PTPRT: variants seen among roughly 807,000 people sequenced by gnomAD.
PTPRT encodes the protein receptor-type tyrosine-protein phosphatase T.
A neutral mutation model predicts 176.8 loss-of-function variants in PTPRT; 56 were observed. The ratio of observed to expected loss-of-function variants is 0.32; its 90% confidence interval spans 0.26 to 0.40. The LOEUF (loss-of-function observed/expected upper bound fraction) is 0.40. PTPRT is among the 10% of genes least tolerant of loss of function. The pLI, the probability that PTPRT is intolerant of heterozygous loss-of-function variation, is 1.00. For missense variants in PTPRT, 1,540 were observed against 1,908.2 expected, an observed-to-expected ratio of 0.81 and a Z score of 3.60; for synonymous variants, 783 against 739.0, an observed-to-expected ratio of 1.06 and a Z score of -0.96.
At chr20:42,920,376 C>T (rs117773339) in intron 1 of PTPRT, among the ~76,000 whole-genome samples, 1,540 of 151,850 alleles carry the variant, frequency 0.01, 10 homozygotes, top group Non-Finnish European at 0.017. Context: ...GATAAGTGGT[C>T]GCCTGGAGCA....
chr20:42,287,471 C>G (rs949049257), intron 12 of PTPRT, among the ~76,000 whole-genome samples: 2 of 151,760 alleles, frequency 1.3e-5, no homozygotes, highest in Non-Finnish European at 2.9e-5. Context: ...GGAAAATAAG[C>G]AGTAAACAGA....
downstream of PTPRT, among the ~76,000 whole-genome samples, chr20:42,071,786 A>C (rs1487318963): frequency 2.0e-5 from 3 of 152,158 alleles, no homozygotes; most frequent in Non-Finnish European, 4.4e-5. Flanking sequence ...CCTCCTGAGT[A>C]ACTGGGACTA....
At chr20:42,974,405 A>G (rs79480433) in intron 1 of PTPRT, among the ~76,000 whole-genome samples, 2,230 of 152,140 alleles carry the variant, frequency 0.015, 59 homozygotes, top group African/African-American at 0.05. Flanking sequence ...CAACTTTGTC[A>G]TTATTTTTCC....
At chr20:42,573,680 T>C (rs900743482) in intron 7 of PTPRT, among the ~76,000 whole-genome samples, 2 of 151,536 alleles carry the variant, frequency 1.3e-5, no homozygotes, top group Non-Finnish European at 2.9e-5. Flanking sequence ...TTCTCCTATG[T>C]GGGGGATGAT....
intron 6 of PTPRT, among the ~76,000 whole-genome samples, chr20:42,743,773 G>C (rs528256970): frequency 1.3e-5 from 2 of 152,206 alleles, no homozygotes; most frequent in African/African-American, 4.8e-5. Flanking sequence ...GAACCTCATC[G>C]ATTACATTGG....
chr20:42,197,656 G>C (rs1991283793), intron 16 of PTPRT, among the ~76,000 whole-genome samples: 1 of 151,928 alleles, frequency 6.6e-6, no homozygotes, highest in Non-Finnish European at 1.5e-5. Context: ...GGAAATACAT[G>C]CTGAATTCTC....
intron 6 of PTPRT, among the ~76,000 whole-genome samples, chr20:42,749,140 C>A (rs1015419584): frequency 6.6e-6 from 1 of 152,082 alleles, no homozygotes; most frequent in East Asian, 1.9e-4. Context: ...ATGCAGAGAT[C>A]CCACCTTATG....
intron 1 of PTPRT, among the ~76,000 whole-genome samples, chr20:42,941,077 A>T (rs1451746895): frequency 1.3e-5 from 2 of 149,630 alleles, no homozygotes; most frequent in Non-Finnish European, 2.9e-5. Flanking sequence ...GCAAGACTCC[A>T]TCTCAAAAAA....
intron 9 of PTPRT, among the ~76,000 whole-genome samples, chr20:42,361,523 G>T (rs552943602): frequency 6.6e-6 from 1 of 152,252 alleles, no homozygotes; most frequent in Non-Finnish European, 1.5e-5. Context: ...TTTCTGACTT[G>T]TCCACAGAGA....
At chr20:42,254,238 AC>A (rs1490179992) in intron 13 of PTPRT, among the ~76,000 whole-genome samples, 1 of 151,814 alleles carries the variant, frequency 6.6e-6, no homozygotes, top group Non-Finnish European at 1.5e-5. Context: ...TGTGAACCCA[AC>A]CTCTCAACAG....
At chr20:42,088,601 C>G (rs568109476) in intron 27 of PTPRT, among the ~76,000 whole-genome samples, 1 of 152,296 alleles carries the variant, frequency 6.6e-6, no homozygotes, top group South Asian at 2.1e-4. Flanking sequence ...CATACTATTG[C>G]CCACAAGCCA....
chr20:42,215,190 C>A (rs1218049410), intron 15 of PTPRT, among the ~76,000 whole-genome samples: 1 of 152,074 alleles, frequency 6.6e-6, no homozygotes, highest in African/African-American at 2.4e-5. Context: ...GAGCTCTGAA[C>A]CCCTGGGTTG....
intron 2 of PTPRT, among the ~76,000 whole-genome samples, chr20:42,851,871 A>T (rs990003805): frequency 6.6e-6 from 1 of 152,206 alleles, no homozygotes; most frequent in Non-Finnish European, 1.5e-5. Context: ...GACTGAGATA[A>T]TGATCTGCCT....
chr20:42,685,965 C>T (rs1332376775), intron 6 of PTPRT: 2 of 152,148 alleles, frequency 1.3e-5, no homozygotes, highest in African/African-American at 2.4e-5. Context: ...TCAAGAACCA[C>T]GATTACATCC....
In PTPRT at chr20:42,797,761, G is replaced by C. The variant is rs35153617; in HGVS notation, c.215-6295C>G. 4.6e-3 allele frequency among the ~76,000 whole-genome samples: 698 copies of C among 151,926 alleles called. 4 individuals carry two copies. The highest frequency in any genetic ancestry group is 0.016 in the African/African-American group (663 of 41,482). ...ACAATGTAATCACAAGGGTCCTTTA[G>C]GTAGACAAGGGGGCCAGGAGAGTCA... On this transcript the variant is annotated intron_variant, in intron 2 of 30. Transcript: ENST00000373187.
intron 1 of PTPRT, among the ~76,000 whole-genome samples, chr20:43,104,855 T>A (rs2012533953): frequency 6.6e-6 from 1 of 152,222 alleles, no homozygotes; most frequent in African/African-American, 2.4e-5. Flanking sequence ...AAATAGATAA[T>A]GCACACAGCA....
At chr20:42,937,733 G>A (rs1980282946) in intron 1 of PTPRT, among the ~76,000 whole-genome samples, 1 of 152,180 alleles carries the variant, frequency 6.6e-6, no homozygotes, top group South Asian at 2.1e-4. Context: ...ATCACACTTG[G>A]TAAAAGTGTT....
chr20:42,988,423 G>C (rs753795736), intron 1 of PTPRT, among the ~76,000 whole-genome samples: 1 of 152,122 alleles, frequency 6.6e-6, no homozygotes, highest in East Asian at 1.9e-4. Context: ...TGTGCTCCAC[G>C]GGTCTGCTCT....
intron 1 of PTPRT, among the ~76,000 whole-genome samples, chr20:43,181,628 C>T (rs1410720657): frequency 6.6e-6 from 1 of 152,116 alleles, no homozygotes; most frequent in African/African-American, 2.4e-5. Context: ...AAGAGATAAA[C>T]AATCATAAAT....
Sources: allele counts gnomAD v4.1 joint callset (sites outside exome capture counted in the v4.1 genomes callset), GRCh38; gene constraint gnomAD v4.1.1; transcripts MANE v1.5; gene names NCBI Gene and HGNC (gene_info 2026-07-23, HGNC 2026-07-21).